Variants in GEMIN6 observed in about 807,000 individuals in gnomAD.
GEMIN6 encodes gem nuclear organelle associated protein 6, also known as gem-associated protein 6.
A neutral mutation model predicts 14.1 loss-of-function variants in GEMIN6; 13 were observed. The observed-to-expected ratio is 0.92, with a 90% confidence interval of 0.60 to 1.46. The LOEUF (loss-of-function observed/expected upper bound fraction) is 1.46. Among genes scored for constraint, GEMIN6 ranks in the 40% most tolerant of loss-of-function variants. The probability of loss-of-function intolerance (pLI) is 0.00; values close to 1 mark genes in which losing one functional copy is unlikely to be tolerated. For missense variants in GEMIN6, 271 were observed against 202.4 expected (o/e 1.34, Z -2.06); for synonymous variants, 87 against 70.0 (o/e 1.24, Z -1.21).
In GEMIN6 at chr2:38,781,952, GT is replaced by G; in HGVS notation, c.*64del. The G allele has an allele frequency of 2.1e-6, 3 of 1,449,816 alleles. No homozygotes were observed. The highest frequency in any genetic ancestry group is 2.8e-6 in the Non-Finnish European group (3 of 1,069,928). The allele number at this position is 1,449,816 out of a possible 1,614,324, so 89.8% of individuals were successfully genotyped here. ...GACTATATTTTATCCCTCATAAAAT[GT>G]TTTAAATGTAAATGTACATGACTGT... On this transcript the variant is annotated 3_prime_UTR_variant, in exon 3 of 3. Coordinates refer to ENST00000281950, the MANE Select transcript of GEMIN6 (RefSeq NM_024775.10).
Position 38,781,799 on chromosome 2 carries a change from A to G in GEMIN6, c.411A>G (p.Pro137=). Residue 137 remains proline, a synonymous_variant, in exon 3 of 3, where the codon CCA becomes CCG. Transcript: ENST00000281950. ...LCVAGVLTID[P]PYGPENCSSS... is the part of the protein sequence containing the mutation. ...TGGCTGGGGTCCTGACTATAGACCC[A>G]CCATATGGTCCAGAAAATTGCAGCA... 4 of 1,614,156 alleles carry G rather than the reference A, an allele frequency of 2.5e-6. No individual in the cohort carries two copies. Among genetic ancestry groups the G allele is most frequent in the Non-Finnish European group, 3.4e-6 (4 of 1,180,008 alleles).
chr2:38,779,691 T>TTTTTTTTTTTC (rs1669038539), intron 2 of GEMIN6, among the ~76,000 whole-genome samples: 1 of 117,146 alleles, frequency 8.5e-6, no homozygotes, highest in African/African-American at 3.3e-5. Context: ...TTTTTTTTTT[T>TTTTTTTTTTTC]CGGGGGTGGG....
rs1271577440 is a variant in GEMIN6 at position 38,779,660 on chromosome 2, ATATATTTTTTTTTT to A, written c.128+544_128+557del. ...ACTATATATATATATATATATATATATATATTTTTTTTTTTTTTTTTTTTTTTTTTTCGGGGGTG... is the reference window on the plus strand; with the variant it reads ...ACTATATATATATATATATATATATATTTTTTTTTTTTTTTTTCGGGGGTG... On this transcript the variant is annotated intron_variant, in intron 2 of 2. Coordinates refer to ENST00000281950, the MANE Select transcript of GEMIN6 (RefSeq NM_024775.10). Among the ~76,000 whole-genome samples, 45 of 28,220 alleles carry A rather than the reference ATATATTTTTTTTTT, an allele frequency of 1.6e-3. 1 individual carries two copies. Among genetic ancestry groups the A allele is most frequent in the South Asian group, 2.7e-3 (1 of 374 alleles). The allele number at this position is 28,220 out of a possible 152,430, so 18.5% of individuals were successfully genotyped here.
In GEMIN6 at chr2:38,782,143, TC is replaced by T. The variant is rs1310770772; in HGVS notation, c.*252del. On this transcript the variant is annotated 3_prime_UTR_variant, in exon 3 of 3. Coordinates refer to ENST00000281950, the MANE Select transcript of GEMIN6 (RefSeq NM_024775.10). ...TCAGAATTGTATGGGTCTTCTTTTT[TC>T]TTTTTTTCTTTTTTTTTTGAGATGG... is the stretch of plus-strand genomic sequence containing the variant. The T allele has an allele frequency of 2.7e-6, 1 of 369,288 alleles. No homozygotes were observed. Among genetic ancestry groups the T allele is most frequent in the Non-Finnish European group, 4.8e-6 (1 of 208,438 alleles). The allele number at this position is 369,288 out of a possible 1,614,324, so 22.9% of individuals were successfully genotyped here. A position where few individuals can be genotyped will look rare whatever the true frequency, so the allele number is the denominator to read the frequency against.
rs1304317257 is a variant in GEMIN6 at position 38,778,228 on chromosome 2, C to A, written c.-73C>A. On this transcript the variant is annotated 5_prime_UTR_variant, in exon 1 of 3. Coordinates refer to ENST00000281950, the MANE Select transcript of GEMIN6 (RefSeq NM_024775.10). Reference sequence around the variant, plus strand: ...CTCAGGCGGTCTCCGCTCAACGATCCTTCCTCAAAGCATGGTTGCTGAGTA... The same window carrying A: ...CTCAGGCGGTCTCCGCTCAACGATCATTCCTCAAAGCATGGTTGCTGAGTA... The A allele has an allele frequency of 6.6e-6, 1 of 152,168 alleles. No individual in the cohort carries two copies. The highest frequency in any genetic ancestry group is 2.4e-5 in the African/African-American group (1 of 41,442). The allele number at this position is 152,168 out of a possible 1,614,324, so 9.4% of individuals were successfully genotyped here.
intron 2 of GEMIN6, among the ~76,000 whole-genome samples, chr2:38,779,666 T>TATATATATATATATATATATA (rs1240100507): frequency 2.0e-5 from 1 of 50,960 alleles, no homozygotes; most frequent in Non-Finnish European, 3.7e-5. Flanking sequence ...ATATATATAT[T>TATATATATATATATATATATA]TTTTTTTTTT....
intron 2 of GEMIN6, among the ~76,000 whole-genome samples, chr2:38,779,667 T>G (rs1213115643): frequency 1.3e-5 from 1 of 75,546 alleles, no homozygotes; most frequent in African/African-American, 5.4e-5. Flanking sequence ...TATATATATT[T>G]TTTTTTTTTT....
At position 38,781,694 on chromosome 2, in the gene GEMIN6, AAAGAAC is replaced by A. The variant is rs762961500; in HGVS notation, c.308_313del (p.Lys103_Asn104del). The A allele has an allele frequency of 2.5e-5, 40 of 1,614,054 alleles. No homozygotes were observed. In the East Asian group the frequency reaches 8.2e-4, roughly 33 times the overall value. ...ACAGCCCAGAGGATCTGGAAGAGAG[AAAGAAC>A]AGCCTAAAGAAATGGCTTGAGAAGA... On this transcript the variant is annotated inframe_deletion, in exon 3 of 3. Transcript: ENST00000281950.
At chr2:38,781,469 T>C (rs767382736) in intron 2 of GEMIN6, 48 bp from the exon 3 acceptor site, 13 of 1,528,034 alleles carry the variant, frequency 8.5e-6, no homozygotes, top group Non-Finnish European at 1.1e-5. Flanking sequence ...ATTATTTTAG[T>C]GACCTACTTG....
intron 2 of GEMIN6, among the ~76,000 whole-genome samples, chr2:38,779,660 ATATATTT>A (rs1206897617): frequency 1.4e-4 from 4 of 28,230 alleles, no homozygotes; most frequent in South Asian, 2.7e-3. Flanking sequence ...ATATATATAT[ATATATTT>A]TTTTTTTTTT....
intron 2 of GEMIN6, among the ~76,000 whole-genome samples, chr2:38,780,319 CAAAAAA>C (rs1247327380): frequency 8.7e-6 from 1 of 115,212 alleles, no homozygotes; most frequent in African/African-American, 3.2e-5. Context: ...GACTCCGTCT[CAAAAAA>C]AAAAAAAGAA....
chr2:38,782,148 T>A lies in GEMIN6; in HGVS notation c.*256T>A, dbSNP rs1669106489. 1 of 362,514 alleles carries A rather than the reference T, an allele frequency of 2.8e-6. No homozygotes were observed. Among genetic ancestry groups the A allele is most frequent in the Non-Finnish European group, 4.9e-6 (1 of 203,666 alleles). 22.5% of individuals were successfully genotyped at this position (362,514 alleles called of 1,614,324 possible). On this transcript the variant is annotated 3_prime_UTR_variant, in exon 3 of 3. Transcript: ENST00000281950. ...ATTGTATGGGTCTTCTTTTTTCTTT[T>A]TTTCTTTTTTTTTTGAGATGGAGTC...
At chr2:38,781,089 T>G (rs1359393402) in intron 2 of GEMIN6, among the ~76,000 whole-genome samples, 2 of 151,408 alleles carry the variant, frequency 1.3e-5, no homozygotes, top group East Asian at 3.9e-4. Context: ...TGCCTCTGCC[T>G]CCCAAGTAGC....
chr2:38,779,139 C>G, intron 2 of GEMIN6, 21 bp downstream of exon 2: 1 of 1,600,150 alleles, frequency 6.2e-7, no homozygotes, highest in South Asian at 1.1e-5. Flanking sequence ...ATCCTACTTG[C>G]CTGAAATCTT....
chr2:38,779,636 CTATA>C (rs1171290307), intron 2 of GEMIN6, among the ~76,000 whole-genome samples: 2,797 of 36,008 alleles, frequency 0.078, 291 homozygotes, highest in South Asian at 0.13. Flanking sequence ...ATTATTCTTA[CTATA>C]TATATATATA....
chr2:38,782,085 T>C lies in GEMIN6; in HGVS notation c.*193T>C, dbSNP rs1669105480. 1.9e-6 allele frequency: 1 copy of C among 526,834 alleles called. No individual in the cohort carries two copies. Among genetic ancestry groups the C allele is most frequent in the Admixed American group, 3.6e-5 (1 of 27,796 alleles). 32.6% of individuals were successfully genotyped at this position (526,834 alleles called of 1,614,324 possible). ...GGAAATTAATGAACTAGGGCAAGTATAGCATCCCATGCATAAAATTAGCAC... is the reference window on the plus strand; with the variant it reads ...GGAAATTAATGAACTAGGGCAAGTACAGCATCCCATGCATAAAATTAGCAC... On this transcript the variant is annotated 3_prime_UTR_variant, in exon 3 of 3. Transcript: ENST00000281950.
In GEMIN6 at chr2:38,779,115, C is replaced by G; in HGVS notation, c.125C>G (p.Ala42Gly). The G allele has an allele frequency of 6.2e-7, 1 of 1,611,390 alleles. No individual in the cohort carries two copies. The highest frequency in any genetic ancestry group is 8.5e-7 in the Non-Finnish European group (1 of 1,178,774). Residue 42 changes from alanine to glycine, a missense_variant, in exon 2 of 3, where the codon GCC becomes GGC. Transcript: ENST00000281950. ...GTTTTAACTACAGACCCAGTCTCTGCCAAGTGAGTATGCATCCTACTTGCC... is the reference window on the plus strand; with the variant it reads ...GTTTTAACTACAGACCCAGTCTCTGGCAAGTGAGTATGCATCCTACTTGCC... ...GWVLTTDPVS[A>G]NIVLVNFLED...
chr2:38,778,969 C>G lies in GEMIN6; in HGVS notation c.-19-3C>G. On this transcript the variant is annotated splice_region_variant and splice_polypyrimidine_tract_variant and intron_variant, in intron 1 of 2. Transcript: ENST00000281950. ...TATTAACCAGCACTGGTGGTTGTTT[C>G]AGATTTAGCCAGGTGGCAATCATGA... is the stretch of plus-strand genomic sequence containing the variant. 6.2e-7 allele frequency: 1 copy of G among 1,603,226 alleles called. No individual in the cohort carries two copies. Among genetic ancestry groups the G allele is most frequent in the Non-Finnish European group, 8.5e-7 (1 of 1,175,302 alleles).
Position 38,781,885 on chromosome 2 carries a change from C to T in GEMIN6, c.497C>T (p.Ser166Phe), listed in dbSNP as rs748041641. 2 of 1,601,458 alleles carry T rather than the reference C, an allele frequency of 1.2e-6. No homozygotes were observed. The highest frequency in any genetic ancestry group is 1.1e-5 in the South Asian group (1 of 89,700). The change falls in exon 3 of 3, where the codon TCC becomes TTC. Residue 166 changes from serine (S) to phenylalanine (F), a missense_variant. Transcript: ENST00000281950. Reference protein sequence around the residue: ...QDLIEGHLTASQ With the variant: ...QDLIEGHLTAFQ The stretch of plus-strand genomic sequence containing the variant: ...CTTATTGAAGGACATCTTACAGCTT[C>T]CCAATGAGAGGCCAGGAAGTGTGAA...
Sources: gnomAD v4.1 joint callset for allele counts (sites outside exome capture counted in the v4.1 genomes callset) on GRCh38, gnomAD v4.1.1 for gene constraint, MANE v1.5 for transcripts, NCBI Gene and HGNC (gene_info 2026-07-23, HGNC 2026-07-21) for gene names.